Variants in NPM2 observed in about 807,000 individuals in gnomAD.
NPM2 encodes the protein nucleoplasmin-2.
NPM2 carries 25 observed loss-of-function variants against 32.0 expected under a neutral mutation model. The observed-to-expected ratio is 0.78, with a 90% CI of 0.57 to 1.09. The LOEUF (loss-of-function observed/expected upper bound fraction) is 1.09. NPM2 is among the 50% of genes least tolerant of loss of function. The pLI is 0.00. For synonymous variants in NPM2, 111 were observed against 94.2 expected (o/e 1.18, Z -1.04); for missense variants, 282 against 259.9 (o/e 1.08, Z -0.58).
intron 5 of NPM2, 137 bp downstream of exon 5, chr8:22,025,909 C>G: frequency 7.7e-7 from 1 of 1,306,626 alleles, no homozygotes; most frequent in Non-Finnish European, 1.1e-6. Context: ...ATGCAGAAAG[C>G]CGGGGTCCAG....
intron 5 of NPM2, among the ~76,000 whole-genome samples, chr8:22,031,067 A>G (rs1173751020): frequency 1.3e-5 from 2 of 152,066 alleles, no homozygotes; most frequent in African/African-American, 4.8e-5. Context: ...TGCTTCTGCC[A>G]TTTACCTCAG....
At chr8:22,033,271 C>G in intron 6 of NPM2, 48 bp downstream of exon 6, 1 of 1,434,504 alleles carries the variant, frequency 7.0e-7, no homozygotes, top group Non-Finnish European at 9.8e-7. Flanking sequence ...CCGTGCTAGG[C>G]AGGGGCTCGG....
At position 22,036,806 on chromosome 8, in the gene NPM2, C is replaced by A; in HGVS notation, c.*124C>A. 1.1e-6 allele frequency: 1 copy of A among 939,776 alleles called. No individual in the cohort carries two copies. The highest frequency in any genetic ancestry group is 1.5e-6 in the Non-Finnish European group (1 of 649,256). 58.2% of individuals were successfully genotyped at this position (939,776 alleles called of 1,614,324 possible). A position where few individuals can be genotyped will look rare whatever the true frequency, so the allele number is the denominator to read the frequency against. On this transcript the variant is annotated 3_prime_UTR_variant, in exon 10 of 10. Transcript: ENST00000518119. ...TGCAACAGGGGTGTTGCGGGGGCAA[C>A]ATGAGAGCCCCTCACCCCCAACTCT...
intron 5 of NPM2, among the ~76,000 whole-genome samples, chr8:22,030,205 G>GT (rs1236624263): frequency 1.3e-5 from 2 of 152,084 alleles, no homozygotes; most frequent in South Asian, 2.1e-4. Flanking sequence ...GCTTCTGCTG[G>GT]TTTTTTCTGC....
At position 22,025,445 on chromosome 8, in the gene NPM2, T is replaced by G. The variant is rs1228749217; in HGVS notation, c.68T>G (p.Leu23Arg). The part of the protein sequence containing the change: ...AVTTVLWGCE[L>R]SQERRTWTFR... ...CCTTTCTCCTCCGCAGGCTGCGAGCTCAGTCAGGAGAGGCGGACTTGGACC... is the reference window on the plus strand; with the variant it reads ...CCTTTCTCCTCCGCAGGCTGCGAGCGCAGTCAGGAGAGGCGGACTTGGACC... The change falls in exon 4 of 10, where the codon CTC (leucine) becomes CGC (arginine). Residue 23 changes from leucine to arginine, a missense_variant. Coordinates refer to ENST00000518119, the MANE Select transcript of NPM2 (RefSeq NM_001286680.2). 4 of 1,613,988 alleles carry G rather than the reference T, an allele frequency of 2.5e-6. No individual in the cohort carries two copies. The highest frequency in any genetic ancestry group is 3.4e-6 in the Non-Finnish European group (4 of 1,179,980).
intron 5 of NPM2, among the ~76,000 whole-genome samples, chr8:22,027,466 T>C (rs866203469): frequency 1.3e-5 from 2 of 152,242 alleles, no homozygotes; most frequent in Admixed American, 1.3e-4. Context: ...ATGGCTTTGA[T>C]AGATATCTAA....
intron 4 of NPM2, 36 bp downstream of exon 4, chr8:22,025,557 C>T: frequency 1.2e-6 from 2 of 1,613,370 alleles, no homozygotes; most frequent in Middle Eastern, 1.7e-4. Flanking sequence ...AAGATGGTGT[C>T]CGGGAACTTT....
chr8:22,026,273 T>G (rs1585508065), intron 5 of NPM2, among the ~76,000 whole-genome samples: 1 of 152,092 alleles, frequency 6.6e-6, no homozygotes, highest in Admixed American at 6.5e-5. Context: ...ATGCAAAAAT[T>G]GTCTTCCAGG....
At chr8:22,030,147 C>T (rs562399106) in intron 5 of NPM2, among the ~76,000 whole-genome samples, 26 of 152,180 alleles carry the variant, frequency 1.7e-4, no homozygotes, top group Non-Finnish European at 3.4e-4. Context: ...TCCCTCTCTG[C>T]CTTATACTGG....
intron 6 of NPM2, 128 bp from the exon 7 acceptor site, chr8:22,033,981 A>G: frequency 1.4e-6 from 2 of 1,408,130 alleles, no homozygotes; most frequent in Non-Finnish European, 1.9e-6. Context: ...GCAGGTAACC[A>G]CTGTCAACTC....
In NPM2 at chr8:22,036,629, C is replaced by T; in HGVS notation, c.601-9C>T. On this transcript the variant is annotated splice_polypyrimidine_tract_variant and intron_variant, in intron 9 of 9. Coordinates refer to ENST00000518119, the MANE Select transcript of NPM2 (RefSeq NM_001286680.2). ...AACGGGACCCTGGAGCCCTGCCTTC[C>T]CTCCACAGGCCAAAGCCACAGCCAG... 6.4e-7 allele frequency: 1 copy of T among 1,551,546 alleles called. No homozygotes were observed.
chr8:22,026,020 C>A (rs1005875000), intron 5 of NPM2, among the ~76,000 whole-genome samples: 1 of 152,170 alleles, frequency 6.6e-6, no homozygotes, highest in African/African-American at 2.4e-5. Flanking sequence ...GGGTCAAGGA[C>A]CAGAACTCGT....
At chr8:22,029,742 G>A (rs965188276) in intron 5 of NPM2, among the ~76,000 whole-genome samples, 9 of 152,208 alleles carry the variant, frequency 5.9e-5, no homozygotes, top group African/African-American at 2.2e-4. Flanking sequence ...TGGTTTGGCT[G>A]TGTATATAAT....
chr8:22,031,767 G>A (rs776182076), intron 5 of NPM2, among the ~76,000 whole-genome samples: 10 of 152,180 alleles, frequency 6.6e-5, no homozygotes, highest in Non-Finnish European at 8.8e-5. Flanking sequence ...GAGTTTTGAA[G>A]CAAAAAGTCC....
At chr8:22,026,454 C>CTTTT (rs1171179196) in intron 5 of NPM2, among the ~76,000 whole-genome samples, 1 of 111,414 alleles carries the variant, frequency 9.0e-6, no homozygotes, top group African/African-American at 3.5e-5. Context: ...CAGTTCTTGC[C>CTTTT]TTTTTTTTTT....
At chr8:22,028,485 A>AGTT (rs113569213) in intron 5 of NPM2, among the ~76,000 whole-genome samples, 48 of 139,310 alleles carry the variant, frequency 3.4e-4, no homozygotes, top group African/African-American at 1.2e-3. Context: ...TGCCCAGCTG[A>AGTT]TTTTTTTTTT....
In NPM2 at chr8:22,036,896, G is replaced by T; in HGVS notation, c.*214G>T. ...GGTCACAATAAAGTTGCCTGGTCAG[G>T]ACTTTCCTTCTCTTCCCTGGAGCCA... On this transcript the variant is annotated 3_prime_UTR_variant, in exon 10 of 10. Coordinates refer to ENST00000518119, the MANE Select transcript of NPM2 (RefSeq NM_001286680.2). 1.8e-6 allele frequency: 1 copy of T among 551,048 alleles called. No homozygotes were observed. The allele number at this position is 551,048 out of a possible 1,614,324, so 34.1% of individuals were successfully genotyped here.
chr8:22,034,612 T>C, intron 8 of NPM2, 68 bp downstream of exon 8: 5 of 1,324,804 alleles, frequency 3.8e-6, no homozygotes, highest in Non-Finnish European at 1.1e-6. Context: ...GAAAGAATAC[T>C]GTGCTGTTGG....
intron 5 of NPM2, 45 bp from the exon 6 acceptor site, chr8:22,033,085 G>T: frequency 6.9e-7 from 1 of 1,450,920 alleles, no homozygotes; most frequent in Non-Finnish European, 9.7e-7. Context: ...CCCGAGAGGT[G>T]CCAGGCCTAA....
Sources: allele counts gnomAD v4.1 joint callset (sites outside exome capture counted in the v4.1 genomes callset), GRCh38; gene constraint gnomAD v4.1.1; transcripts MANE v1.5; gene names NCBI Gene and HGNC (gene_info 2026-07-23, HGNC 2026-07-21).